Variants in CELF2 observed in about 807,000 individuals in gnomAD.
CELF2 encodes the protein CUG triplet repeat RNA-binding protein 2.
CELF2 carries 8 observed loss-of-function variants against 62.6 expected under a neutral mutation model. That is an observed-to-expected ratio of 0.13 (90% CI 0.07 to 0.23). The LOEUF (loss-of-function observed/expected upper bound fraction) is 0.23. Ranked by LOEUF, CELF2 falls within the 10% of genes least tolerant of loss-of-function variation. CELF2 has a pLI of 1.00. For missense variants in CELF2, 333 were observed against 671.0 expected, an observed-to-expected ratio of 0.50 and a Z score of 5.56; for synonymous variants, 258 against 250.0, an observed-to-expected ratio of 1.03 and a Z score of -0.30.
chr10:10,511,148 G>C, the CELF2 span, among the ~76,000 whole-genome samples: 1 of 152,130 alleles, frequency 6.6e-6, no homozygotes, highest in Non-Finnish European at 1.5e-5. Context: ...GGTGGCTCAC[G>C]CCTGTAATCT....
intron 1 of CELF2, among the ~76,000 whole-genome samples, chr10:11,108,772 C>G (rs12784864): frequency 5.3e-5 from 8 of 152,114 alleles, no homozygotes; most frequent in Non-Finnish European, 1.0e-4. Context: ...TTTTCATTTA[C>G]GTTTCTCTGA....
chr10:10,753,119 G>A, the CELF2 span, among the ~76,000 whole-genome samples: 13 of 152,238 alleles, frequency 8.5e-5, no homozygotes, highest in African/African-American at 2.6e-4. Context: ...TATTAAAAAG[G>A]TAAGCATTGC....
At chr10:10,912,430 C>T (rs1233482118) in intron 1 of CELF2, among the ~76,000 whole-genome samples, 1 of 152,068 alleles carries the variant, frequency 6.6e-6, no homozygotes, top group African/African-American at 2.4e-5. Context: ...CAGGCTGGAG[C>T]GCGATCTCGG....
chr10:10,468,423 T>A, the CELF2 span, among the ~76,000 whole-genome samples: 1 of 151,994 alleles, frequency 6.6e-6, no homozygotes, highest in Non-Finnish European at 1.5e-5. Flanking sequence ...CCATGTTCCA[T>A]CTCCTGTTAC....
the CELF2 span, among the ~76,000 whole-genome samples, chr10:10,745,572 G>A: frequency 6.6e-6 from 1 of 152,142 alleles, no homozygotes; most frequent in South Asian, 2.1e-4. Context: ...CCTCCTAACT[G>A]GCCTGCTTGC....
At chr10:10,584,903 G>A in the CELF2 span, among the ~76,000 whole-genome samples, 47,969 of 152,028 alleles carry the variant, frequency 0.32, 7,969 homozygotes, top group East Asian at 0.6. Context: ...TGGAGGCTAC[G>A]ATGTTGAACC....
At chr10:11,027,100 C>T (rs1220098401) in intron 1 of CELF2, among the ~76,000 whole-genome samples, 1 of 152,160 alleles carries the variant, frequency 6.6e-6, no homozygotes, top group Non-Finnish European at 1.5e-5. Flanking sequence ...GCTCGTGACT[C>T]CCATTGTCCA....
At chr10:11,141,889 G>A (rs2061406230) in intron 1 of CELF2, among the ~76,000 whole-genome samples, 1 of 152,206 alleles carries the variant, frequency 6.6e-6, no homozygotes, top group African/African-American at 2.4e-5. Flanking sequence ...TGAAACAACT[G>A]TAATCTATCA....
rs2075155659 is a variant in CELF2 at position 11,244,924 on chromosome 10, T to G, written c.355-4229T>G. ...CCATCTGTGTCTGGTGTCTCTTCTC[T>G]GAGTTCGCACCGTACAGCTCTTACC... On this transcript the variant is annotated intron_variant, in intron 3 of 12. Coordinates refer to ENST00000633077, the MANE Select transcript of CELF2 (RefSeq NM_001326342.2). The surrounding 1 kb of genome is among the most constrained non-coding windows in gnomAD (Gnocchi z 4.2). Among the ~76,000 whole-genome samples the G allele has an allele frequency of 2.6e-5, 4 of 152,316 alleles. No homozygotes were observed. The South Asian group carries it at 6.2e-4, about 24-fold the overall frequency.
rs558104166 is a variant in CELF2, at chr10:10,847,033, A to G, written c.53+48216A>G. Among the ~76,000 whole-genome samples the G allele has an allele frequency of 7.2e-5, 11 of 152,268 alleles. No individual in the cohort carries two copies. In the South Asian group the frequency reaches 1.0e-3, roughly 14 times the overall value. ...CTTACAGACTTGATATGTAATTTTGATAGAGCTAAGCCCATTATTAACCTT... is the reference window on the plus strand; with the variant it reads ...CTTACAGACTTGATATGTAATTTTGGTAGAGCTAAGCCCATTATTAACCTT... On this transcript the variant is annotated intron_variant, in intron 1 of 13. Transcript: ENST00000636488.
rs1352404744 is a variant in CELF2 at position 11,316,976 on chromosome 10, T to C, written c.1096+2718T>C. ...GACCATCAGAGTGTTCACCTCTGGATTTTTTCAGGGTTCCCTGAGCATGTT... is the reference window on the plus strand; with the variant it reads ...GACCATCAGAGTGTTCACCTCTGGACTTTTTCAGGGTTCCCTGAGCATGTT... On this transcript the variant is annotated intron_variant, in intron 10 of 12. Coordinates refer to ENST00000633077, the MANE Select transcript of CELF2 (RefSeq NM_001326342.2). The surrounding 1 kb of genome is among the most constrained non-coding windows in gnomAD (Gnocchi z 4.4). 6.6e-6 allele frequency: 1 copy of C among 152,204 alleles called. No homozygotes were observed. The highest frequency in any genetic ancestry group is 2.4e-5 in the African/African-American group (1 of 41,456). The allele number at this position is 152,204 out of a possible 1,614,324, so 9.4% of individuals were successfully genotyped here.
intron 2 of CELF2, among the ~76,000 whole-genome samples, chr10:10,977,481 A>ACCCAGATATTTATT (rs2051484742): frequency 6.6e-6 from 1 of 152,280 alleles, no homozygotes; most frequent in South Asian, 2.1e-4. Flanking sequence ...GGATATTTAA[A>ACCCAGATATTTATT]CCCAGAATGT....
intron 1 of CELF2, among the ~76,000 whole-genome samples, chr10:11,060,855 T>C (rs1428794142): frequency 6.6e-6 from 1 of 152,232 alleles, no homozygotes. Flanking sequence ...TTTCAGGGTG[T>C]CAGGAACAGT....
chr10:10,683,484 C>T, the CELF2 span, among the ~76,000 whole-genome samples: 4 of 152,154 alleles, frequency 2.6e-5, no homozygotes, highest in Non-Finnish European at 5.9e-5. Flanking sequence ...CCCATAAACA[C>T]GTATTTGCCA....
At chr10:10,696,374 C>G in the CELF2 span, among the ~76,000 whole-genome samples, 2 of 151,680 alleles carry the variant, frequency 1.3e-5, no homozygotes, top group Non-Finnish European at 2.9e-5. Context: ...AGATCTCCAG[C>G]TGCATGCTGG....
chr10:10,879,901 G>A (rs947279485), intron 1 of CELF2, among the ~76,000 whole-genome samples: 10 of 152,116 alleles, frequency 6.6e-5, no homozygotes, highest in South Asian at 2.1e-4. Flanking sequence ...ATGGCATCAC[G>A]GAGGTGACCA....
chr10:10,880,741 ATTTCTTG>A (rs1295348474), intron 1 of CELF2, among the ~76,000 whole-genome samples: 1 of 152,170 alleles, frequency 6.6e-6, no homozygotes, highest in Non-Finnish European at 1.5e-5. Flanking sequence ...GTGGAAGCAA[ATTTCTTG>A]AAACAGGATG....
intron 8 of CELF2, among the ~76,000 whole-genome samples, chr10:11,284,813 G>A (rs956895891): frequency 6.7e-6 from 1 of 148,344 alleles, no homozygotes; most frequent in African/African-American, 2.4e-5. Flanking sequence ...GCGGATGATG[G>A]ATGGATGGGT....
At chr10:11,073,617 G>A (rs2070859659) in intron 1 of CELF2, among the ~76,000 whole-genome samples, 1 of 152,314 alleles carries the variant, frequency 6.6e-6, no homozygotes, top group Non-Finnish European at 1.5e-5. Context: ...GGTTTCAAGT[G>A]GAATGGTTTT....
Sources: gnomAD v4.1 joint callset for allele counts (sites outside exome capture counted in the v4.1 genomes callset) on GRCh38, gnomAD v4.1.1 for gene constraint, Gnocchi (gnomAD v3.1) non-coding constraint, MANE v1.5 for transcripts, NCBI Gene and HGNC (gene_info 2026-07-23, HGNC 2026-07-21) for gene names.